MOCOS: variants seen among roughly 807,000 people sequenced by gnomAD.
The protein encoded by MOCOS is human molybdenum cofactor sulfurase.
A neutral mutation model predicts 83.6 loss-of-function variants in MOCOS; 86 were observed. The ratio of observed to expected loss-of-function variants is 1.03; its 90% confidence interval spans 0.86 to 1.23. The LOEUF is 1.23. Among genes scored for constraint, MOCOS ranks in the 50% most tolerant of loss-of-function variants. The pLI, the probability that MOCOS is intolerant of heterozygous loss-of-function variation, is 0.00. For missense variants in MOCOS, 1,120 were observed against 1,126.9 expected, an observed-to-expected ratio of 0.99 and a Z score of 0.09; for synonymous variants, 445 against 434.7, an observed-to-expected ratio of 1.02 and a Z score of -0.29.
chr18:36,205,374 C>A, intron 6 of MOCOS, 98 bp downstream of exon 6: 1 of 1,231,026 alleles, frequency 8.1e-7, no homozygotes, highest in Non-Finnish European at 1.2e-6. Flanking sequence ...GTTGAAGAGG[C>A]CACCAGGCCC....
At chr18:36,240,490 G>T (rs1396985546) in intron 9 of MOCOS, among the ~76,000 whole-genome samples, 1 of 150,380 alleles carries the variant, frequency 6.6e-6, no homozygotes, top group Non-Finnish European at 1.5e-5. Flanking sequence ...CAGTCTGCCC[G>T]TTCTCAGATC....
At chr18:36,237,876 A>G (rs1236633986) in intron 9 of MOCOS, among the ~76,000 whole-genome samples, 10 of 150,394 alleles carry the variant, frequency 6.6e-5, no homozygotes, top group African/African-American at 2.0e-4. Context: ...TGTATGTGTC[A>G]AGGAATTTAT....
intron 11 of MOCOS, among the ~76,000 whole-genome samples, chr18:36,254,630 C>G (rs1213022794): frequency 1.3e-5 from 2 of 150,850 alleles, no homozygotes; most frequent in South Asian, 2.1e-4. Flanking sequence ...TATATATGAA[C>G]GAACTGTCTT....
rs543491932 is a variant in MOCOS at position 36,266,677 on chromosome 18, G to C, written c.2410-72G>C. 12 of 1,318,752 alleles carry C rather than the reference G, an allele frequency of 9.1e-6. No homozygotes were observed. In the African/African-American group the frequency reaches 1.5e-4, roughly 16 times the overall value. 81.7% of individuals were successfully genotyped at this position (1,318,752 alleles called of 1,614,324 possible). A position where few individuals can be genotyped will look rare whatever the true frequency, so the allele number is the denominator to read the frequency against. The stretch of plus-strand genomic sequence containing the variant: ...GTTAGGGGACTGGGCATTTCTGTGT[G>C]ATTCCTCCCTCTGAGGTGCAAGGCT... On this transcript the variant is annotated intron_variant, in intron 13 of 14. Transcript: ENST00000261326.
rs547429225 is a variant in MOCOS, at chr18:36,194,365, T to G, written c.143-892T>G. ...TGAATGAATGGATCTCTTCACATTATATGTACTTGAAAGTGTATCTCAGAG... is the reference window on the plus strand; with the variant it reads ...TGAATGAATGGATCTCTTCACATTAGATGTACTTGAAAGTGTATCTCAGAG... On this transcript the variant is annotated intron_variant, in intron 1 of 14. Transcript: ENST00000261326. 2.0e-5 allele frequency among the ~76,000 whole-genome samples: 3 copies of G among 152,380 alleles called. No homozygotes were observed. In the South Asian group the frequency reaches 6.2e-4, roughly 32 times the overall value.
intron 5 of MOCOS, 40 bp downstream of exon 5, chr18:36,203,229 T>C (rs746352927): frequency 1.3e-6 from 2 of 1,580,658 alleles, no homozygotes; most frequent in African/African-American, 2.7e-5. Flanking sequence ...TTGCTCCTGT[T>C]GTGTCCTTGA....
intron 9 of MOCOS, among the ~76,000 whole-genome samples, chr18:36,241,210 A>G (rs1365120067): frequency 6.6e-6 from 1 of 152,232 alleles, no homozygotes; most frequent in Non-Finnish European, 1.5e-5. Context: ...AAAAGTCCAC[A>G]GTCCAAAGTC....
Position 36,215,648 on chromosome 18 carries a change from C to T in MOCOS, c.1468C>T (p.Leu490=). ...AFLRFIIDTR[L]HSSGDWPVPQ... ...TCTTAGGTTCATCATAGACACTCGC[C>T]TGCACTCATCAGGGGACTGGCCTGT... The change falls in exon 8 of 15, where the codon CTG becomes TTG. Residue 490 remains leucine, a synonymous_variant. Transcript: ENST00000261326. 2 of 1,614,200 alleles carry T rather than the reference C, an allele frequency of 1.2e-6. No individual in the cohort carries two copies. Among genetic ancestry groups the T allele is most frequent in the Non-Finnish European group, 1.7e-6 (2 of 1,180,042 alleles).
chr18:36,218,963 G>T (rs905565471), intron 8 of MOCOS, among the ~76,000 whole-genome samples: 1 of 150,860 alleles, frequency 6.6e-6, no homozygotes, highest in African/African-American at 2.4e-5. Context: ...CCGCCTCCTG[G>T]GTTCAATTGA....
At chr18:36,221,322 C>T (rs978684268) in intron 9 of MOCOS, among the ~76,000 whole-genome samples, 1 of 152,220 alleles carries the variant, frequency 6.6e-6, no homozygotes, top group African/African-American at 2.4e-5. Context: ...TTACAGCATT[C>T]AATTTTAGCA....
intron 9 of MOCOS, among the ~76,000 whole-genome samples, chr18:36,238,412 C>T (rs376904600): frequency 2.7e-5 from 4 of 149,586 alleles, no homozygotes; most frequent in South Asian, 4.2e-4. Flanking sequence ...ATTCAGGAGC[C>T]GGTTGTTCAG....
chr18:36,221,490 T>A (rs1453594715), intron 9 of MOCOS, among the ~76,000 whole-genome samples: 1 of 152,190 alleles, frequency 6.6e-6, no homozygotes, highest in Admixed American at 6.5e-5. Context: ...AAATTTCCTG[T>A]GGACCTCTCC....
intron 2 of MOCOS, among the ~76,000 whole-genome samples, chr18:36,198,267 C>A (rs1313865792): frequency 6.6e-6 from 1 of 151,932 alleles, no homozygotes; most frequent in Non-Finnish European, 1.5e-5. Flanking sequence ...GTTGTGCACA[C>A]CTGTAGTCAC....
chr18:36,222,113 T>C (rs907556880), intron 9 of MOCOS, among the ~76,000 whole-genome samples: 14 of 152,286 alleles, frequency 9.2e-5, no homozygotes, highest in African/African-American at 3.1e-4. Context: ...GAGTATACCA[T>C]ATTTACTTTG....
At chr18:36,238,965 T>C (rs1264520755) in intron 9 of MOCOS, among the ~76,000 whole-genome samples, 1 of 151,578 alleles carries the variant, frequency 6.6e-6, no homozygotes, top group Non-Finnish European at 1.5e-5. Flanking sequence ...ACCCCTGCCT[T>C]TTTTTGTTTT....
chr18:36,258,149 A>C (rs1390950777), intron 12 of MOCOS, among the ~76,000 whole-genome samples: 2 of 150,328 alleles, frequency 1.3e-5, no homozygotes, highest in Non-Finnish European at 3.0e-5. Flanking sequence ...CTTCGTGTGG[A>C]AAGATAGGAG....
intron 9 of MOCOS, among the ~76,000 whole-genome samples, chr18:36,230,438 C>T (rs2091533671): frequency 6.6e-6 from 1 of 152,142 alleles, no homozygotes; most frequent in African/African-American, 2.4e-5. Context: ...ACCGACTGGC[C>T]TCATAAAAGA....
rs757142642 is a variant in MOCOS at position 36,213,346 on chromosome 18, A to G, written c.1219-20A>G. The G allele has an allele frequency of 6.6e-5, 105 of 1,598,010 alleles. No individual in the cohort carries two copies. Among genetic ancestry groups the G allele is most frequent in the Non-Finnish European group, 8.8e-5 (103 of 1,165,576 alleles). On this transcript the variant is annotated intron_variant, in intron 6 of 14. Transcript: ENST00000261326. Reference sequence around the variant, plus strand: ...CTGCACGTTGGTAATGGCTCATTCCATGTTACATTAAATCCGCAGGTGGAC... The same window carrying G: ...CTGCACGTTGGTAATGGCTCATTCCGTGTTACATTAAATCCGCAGGTGGAC...
In MOCOS at chr18:36,205,060, T is replaced by A; in HGVS notation, c.1019-17T>A. The A allele has an allele frequency of 2.5e-6, 4 of 1,593,410 alleles. No homozygotes were observed. ...CATAAAGCTCATGATTCTCTTGTGT[T>A]TCATGATTGATTTGAGGTGGAATGG... On this transcript the variant is annotated splice_polypyrimidine_tract_variant and intron_variant, in intron 5 of 14. Transcript: ENST00000261326.
Sources: gnomAD v4.1 joint callset for allele counts (sites outside exome capture counted in the v4.1 genomes callset) on GRCh38, gnomAD v4.1.1 for gene constraint, MANE v1.5 for transcripts, NCBI Gene and HGNC (gene_info 2026-07-23, HGNC 2026-07-21) for gene names.